Variants in KRT80 observed in about 807,000 individuals in gnomAD.
KRT80 encodes keratin, type II cytoskeletal 80.
KRT80 carries 36 observed loss-of-function variants against 51.5 expected under a neutral mutation model. That is an observed-to-expected ratio of 0.70 (90% CI 0.54 to 0.92). The LOEUF is 0.92. KRT80 is among the 40% of genes least tolerant of loss of function. The pLI is 0.00. For missense variants in KRT80, 566 were observed against 591.7 expected (o/e 0.96, Z 0.45); for synonymous variants, 235 against 248.3 (o/e 0.95, Z 0.50).
At chr12:52,175,534 A>G (rs1334518900) in intron 4 of KRT80, among the ~76,000 whole-genome samples, 1 of 151,976 alleles carries the variant, frequency 6.6e-6, no homozygotes, top group Non-Finnish European at 1.5e-5. Context: ...TGAGCTGTAG[A>G]CGACAGGGAT....
chr12:52,169,657 G>T lies in KRT80; in HGVS notation c.*1741C>A, dbSNP rs745598322. On this transcript the variant is annotated 3_prime_UTR_variant, in exon 9 of 9. Transcript: ENST00000394815. ...CAGATAGTACATACAGACTGATCATGCAGAAACAGGAAGGGAAGCAATAAG... is the reference window on the plus strand; with the variant it reads ...CAGATAGTACATACAGACTGATCATTCAGAAACAGGAAGGGAAGCAATAAG... 6 of 152,622 alleles carry T rather than the reference G, an allele frequency of 3.9e-5. No homozygotes were observed. The highest frequency in any genetic ancestry group is 1.3e-4 in the Admixed American group (2 of 15,282). The allele number at this position is 152,622 out of a possible 1,614,324, so 9.5% of individuals were successfully genotyped here. A position where few individuals can be genotyped will look rare whatever the true frequency, so the allele number is the denominator to read the frequency against.
At chr12:52,181,525 A>G (rs1941320380) in intron 2 of KRT80, among the ~76,000 whole-genome samples, 1 of 152,146 alleles carries the variant, frequency 6.6e-6, no homozygotes, top group African/African-American at 2.4e-5. Flanking sequence ...GTTTTTGGGC[A>G]AGTTGCATCA....
chr12:52,187,556 T>G (rs946043564), intron 1 of KRT80, among the ~76,000 whole-genome samples: 8 of 152,160 alleles, frequency 5.3e-5, no homozygotes, highest in African/African-American at 1.9e-4. Flanking sequence ...CTGACGACCC[T>G]TCGACATTCA....
chr12:52,175,979 A>G (rs560036934), intron 4 of KRT80, among the ~76,000 whole-genome samples: 74 of 152,276 alleles, frequency 4.9e-4, no homozygotes, highest in African/African-American at 1.7e-3. Flanking sequence ...GGGGGGCCTC[A>G]GAGCCCTCCA....
chr12:52,190,586 C>T (rs1941464858), intron 1 of KRT80, among the ~76,000 whole-genome samples: 1 of 152,220 alleles, frequency 6.6e-6, no homozygotes, highest in Non-Finnish European at 1.5e-5. Context: ...AAGGCTGGAC[C>T]TCTGGTTTAC....
chr12:52,176,987 T>C (rs1473810729), intron 4 of KRT80, among the ~76,000 whole-genome samples: 1 of 152,262 alleles, frequency 6.6e-6, no homozygotes, highest in Non-Finnish European at 1.5e-5. Flanking sequence ...GTAGATGCTA[T>C]TATTGTCCCC....
Position 52,172,197 on chromosome 12 carries a change from C to G in KRT80, c.1178+1G>C, listed in dbSNP as rs773124353. 6.2e-7 allele frequency: 1 copy of G among 1,613,370 alleles called. No individual in the cohort carries two copies. The highest frequency in any genetic ancestry group is 1.1e-5 in the South Asian group (1 of 91,032). ...CCTTCCTCACCAGCCCTGGCTCTCA[C>G]CTGCCCTCCTCGCCCTCCACCAGCT... On this transcript the variant is annotated splice_donor_variant, in intron 7 of 8. Transcript: ENST00000394815. LOFTEE classifies it high-confidence loss of function.
At position 52,171,729 on chromosome 12, in the gene KRT80, G is replaced by T. The variant is rs533158146; in HGVS notation, c.1179-16C>A. Reference sequence around the variant, plus strand: ...CGAGTCCATCCTGGGGGTGGGGGACGGGGGGGTGGGAGAGGGATATGATGG... The same window carrying T: ...CGAGTCCATCCTGGGGGTGGGGGACTGGGGGGTGGGAGAGGGATATGATGG... On this transcript the variant is annotated splice_polypyrimidine_tract_variant and intron_variant, in intron 7 of 8. Coordinates refer to ENST00000394815, the MANE Select transcript of KRT80 (RefSeq NM_182507.3). 3.5e-6 allele frequency: 5 copies of T among 1,416,430 alleles called. No homozygotes were observed. The highest frequency in any genetic ancestry group is 4.0e-5 in the Admixed American group (2 of 50,244). The allele number at this position is 1,416,430 out of a possible 1,614,324, so 87.7% of individuals were successfully genotyped here.
chr12:52,178,593 A>T (rs1941271216), intron 4 of KRT80, among the ~76,000 whole-genome samples: 1 of 152,146 alleles, frequency 6.6e-6, no homozygotes, highest in Non-Finnish European at 1.5e-5. Context: ...TGCATCCCAG[A>T]ATCTGTCACC....
In KRT80 at chr12:52,174,734, G is replaced by A. The variant is rs185502514; in HGVS notation, c.667-970C>T. ...TGCTGTGACGCTCCCTTAGCGGATG[G>A]AGACAAGGGGCTGACACCTTCTTCA... On this transcript the variant is annotated intron_variant, in intron 4 of 8. Coordinates refer to ENST00000394815, the MANE Select transcript of KRT80 (RefSeq NM_182507.3). Among the ~76,000 whole-genome samples, 65 of 152,334 alleles carry A rather than the reference G, an allele frequency of 4.3e-4. 1 individual carries two copies. Among genetic ancestry groups the A allele is most frequent in the African/African-American group, 1.5e-3 (63 of 41,576 alleles).
At chr12:52,178,622 CAG>C (rs2120897412) in intron 4 of KRT80, among the ~76,000 whole-genome samples, 1 of 152,328 alleles carries the variant, frequency 6.6e-6, no homozygotes, top group East Asian at 1.9e-4. Context: ...CGATCTTGTC[CAG>C]ATATTTGCTG....
chr12:52,173,614 A>G lies in KRT80; in HGVS notation c.817T>C (p.Tyr273His), dbSNP rs1565692130. Residue 273 changes from tyrosine (Y) to histidine (H), a missense_variant, in exon 5 of 9, where the codon TAC (tyrosine) becomes CAC (histidine). By Grantham distance (83) the Tyr-to-His change is moderately conservative (BLOSUM62 2). Coordinates refer to ENST00000394815, the MANE Select transcript of KRT80 (RefSeq NM_182507.3). ...AARSLEEAEAYSRSQLEEQAA... is the reference protein window; with the variant it reads ...AARSLEEAEAHSRSQLEEQAA... ...GTCAGCCCCACCTGGCTCCGAGAGT[A>G]TGCCTCGGCCTCCTCCAGGCTGCGA... 1 of 1,612,652 alleles carries G rather than the reference A, an allele frequency of 6.2e-7. No homozygotes were observed. Among genetic ancestry groups the G allele is most frequent in the Non-Finnish European group, 8.5e-7 (1 of 1,179,970 alleles).
At chr12:52,177,862 C>A (rs939824696) in intron 4 of KRT80, among the ~76,000 whole-genome samples, 2 of 152,078 alleles carry the variant, frequency 1.3e-5, no homozygotes, top group Admixed American at 6.5e-5. Flanking sequence ...AGTCTTTACT[C>A]AGAGCTGCTC....
At chr12:52,182,716 G>T (rs1015290414) in intron 2 of KRT80, among the ~76,000 whole-genome samples, 4 of 152,146 alleles carry the variant, frequency 2.6e-5, no homozygotes, top group African/African-American at 7.2e-5. Context: ...ACCCCCTCTG[G>T]CAGAGAAGGA....
At chr12:52,174,350 G>A (rs573509866) in intron 4 of KRT80, among the ~76,000 whole-genome samples, 23 of 152,320 alleles carry the variant, frequency 1.5e-4, no homozygotes, top group African/African-American at 5.1e-4. Context: ...TGACAAACCT[G>A]TACTCCCCTC....
intron 4 of KRT80, among the ~76,000 whole-genome samples, chr12:52,176,286 T>TG (rs1941219857): frequency 6.6e-6 from 1 of 152,176 alleles, no homozygotes; most frequent in Non-Finnish European, 1.5e-5. Context: ...GGAGAGCACG[T>TG]GAGCCTCCAA....
intron 5 of KRT80, among the ~76,000 whole-genome samples, 161 bp downstream of exon 5, chr12:52,173,439 G>T (rs1237421416): frequency 6.6e-6 from 1 of 151,946 alleles, no homozygotes; most frequent in Non-Finnish European, 1.5e-5. Flanking sequence ...CAGCTTCTGT[G>T]GTCTCCCCCC....
chr12:52,173,129 C>A lies in KRT80; in HGVS notation c.866G>T (p.Gly289Val). 1 of 1,612,468 alleles carries A rather than the reference C, an allele frequency of 6.2e-7. No individual in the cohort carries two copies. Among genetic ancestry groups the A allele is most frequent in the Non-Finnish European group, 8.5e-7 (1 of 1,179,348 alleles). Reference protein sequence around the residue: ...EEQAARSAEYGSSLQSSRSEI... With the variant: ...EEQAARSAEYVSSLQSSRSEI... Reference sequence around the variant, plus strand: ...GCTGCGGCTGCTCTGGAGGCTGCTCCCATACTCGGCCGAGCGGGCGGCCTG... The same window carrying A: ...GCTGCGGCTGCTCTGGAGGCTGCTCACATACTCGGCCGAGCGGGCGGCCTG... The change falls in exon 6 of 9, where the codon GGG becomes GTG. Residue 289 changes from glycine to valine, a missense_variant. Transcript: ENST00000394815.
chr12:52,188,254 T>A (rs2120945812), intron 1 of KRT80, among the ~76,000 whole-genome samples: 1 of 152,306 alleles, frequency 6.6e-6, no homozygotes, highest in East Asian at 1.9e-4. Context: ...CTCCTCTCTG[T>A]TCTGCCTGGC....
Sources: allele counts gnomAD v4.1 joint callset (sites outside exome capture counted in the v4.1 genomes callset), GRCh38; gene constraint gnomAD v4.1.1; transcripts MANE v1.5; gene names NCBI Gene and HGNC (gene_info 2026-07-23, HGNC 2026-07-21).